Variants in KIAA1549L observed in about 807,000 individuals in gnomAD.
KIAA1549L encodes UPF0606 protein KIAA1549L.
A neutral mutation model predicts 160.7 loss-of-function variants in KIAA1549L; 88 were observed. That is an observed-to-expected ratio of 0.55 (90% CI 0.46 to 0.65). The LOEUF (loss-of-function observed/expected upper bound fraction) is 0.65, where lower values mean the gene tolerates loss of function less well. Ranked by LOEUF, KIAA1549L falls within the 30% of genes least tolerant of loss-of-function variation. KIAA1549L has a pLI of 0.00. For synonymous variants in KIAA1549L, 950 were observed against 976.7 expected (o/e 0.97, Z 0.51); for missense variants, 2,258 against 2,437.5 (o/e 0.93, Z 1.55).
intron 1 of KIAA1549L, among the ~76,000 whole-genome samples, chr11:33,446,502 GA>G (rs1319376190): frequency 3.3e-5 from 5 of 152,088 alleles, no homozygotes; most frequent in Admixed American, 1.3e-4. Flanking sequence ...TTAGTGGCTT[GA>G]AATTGAAATT....
chr11:33,594,798 A>G (rs1460695007), intron 12 of KIAA1549L, among the ~76,000 whole-genome samples: 1 of 152,256 alleles, frequency 6.6e-6, no homozygotes, highest in Admixed American at 6.5e-5. Context: ...ATGAGAGAGC[A>G]TAAGCAGAGC....
rs921021153 is a variant in KIAA1549L, at chr11:33,447,334, T to C, written c.238+70445T>C. 6.6e-4 allele frequency among the ~76,000 whole-genome samples: 101 copies of C among 152,318 alleles called. 1 individual carries two copies. The highest frequency in any genetic ancestry group is 3.4e-3 in the Middle Eastern group (1 of 294). ...GAGTAATGACCTACCTATATGAGAA[T>C]GATGCAATGATGGTTTAGACAGGTT... On this transcript the variant is annotated intron_variant, in intron 1 of 20. Coordinates refer to ENST00000658780, the MANE Select transcript of KIAA1549L (RefSeq NM_012194.3).
In KIAA1549L at chr11:33,467,877, TAAAAAAG is replaced by T. The variant is rs777622417; in HGVS notation, c.239-73921_239-73915del. Among the ~76,000 whole-genome samples, 88 of 152,236 alleles carry T rather than the reference TAAAAAAG, an allele frequency of 5.8e-4. 1 individual carries two copies. The highest frequency in any genetic ancestry group is 3.4e-3 in the Middle Eastern group (1 of 294). On this transcript the variant is annotated intron_variant, in intron 1 of 20. Transcript: ENST00000658780. ...ATAAGAAGGTGAAAAACTCTGCAGTTAAAAAAGAAAGAGAAAAAGAACACCCAAAACA... is the reference window on the plus strand; with the variant it reads ...ATAAGAAGGTGAAAAACTCTGCAGTTAAAGAGAAAAAGAACACCCAAAACA...
intron 1 of KIAA1549L, among the ~76,000 whole-genome samples, chr11:33,523,660 C>T (rs926165844): frequency 1.1e-4 from 17 of 152,114 alleles, no homozygotes; most frequent in Admixed American, 9.8e-4. Flanking sequence ...CTGAGTTTGG[C>T]GTAGGATCTT....
rs1004312438 is a variant in KIAA1549L, at chr11:33,482,309, T to C, written c.239-59493T>C. Among the ~76,000 whole-genome samples the C allele has an allele frequency of 6.6e-5, 9 of 136,584 alleles. No homozygotes were observed. In the South Asian group the frequency reaches 2.2e-3, roughly 33 times the overall value. 89.6% of individuals were successfully genotyped at this position (136,584 alleles called of 152,430 possible). Reference sequence around the variant, plus strand: ...ATTTTTTTCTTCACAATTTTTATACTTTTTTTTTCTTGAATAGTTATCTGC... The same window carrying C: ...ATTTTTTTCTTCACAATTTTTATACCTTTTTTTTCTTGAATAGTTATCTGC... On this transcript the variant is annotated intron_variant, in intron 1 of 20. Coordinates refer to ENST00000658780, the MANE Select transcript of KIAA1549L (RefSeq NM_012194.3).
chr11:33,481,917 G>A (rs1298800554), intron 1 of KIAA1549L, among the ~76,000 whole-genome samples: 1 of 152,214 alleles, frequency 6.6e-6, no homozygotes, highest in East Asian at 1.9e-4. Context: ...CATGTTCCCT[G>A]TAATTCTCAG....
intron 15 of KIAA1549L, among the ~76,000 whole-genome samples, chr11:33,610,873 G>A (rs1328706697): frequency 6.6e-6 from 1 of 152,216 alleles, no homozygotes; most frequent in African/African-American, 2.4e-5. Flanking sequence ...ATCTGGCAGG[G>A]CCTCCTTGCT....
intron 1 of KIAA1549L, among the ~76,000 whole-genome samples, chr11:33,459,113 A>T (rs919564733): frequency 6.6e-6 from 1 of 152,056 alleles, no homozygotes; most frequent in African/African-American, 2.4e-5. Context: ...ATAAATTTGG[A>T]TGTTTGTATG....
chr11:33,573,536 G>A (rs150654416), intron 9 of KIAA1549L, among the ~76,000 whole-genome samples: 328 of 152,262 alleles, frequency 2.2e-3, no homozygotes, highest in African/African-American at 7.4e-3. Flanking sequence ...ATGTCATCAT[G>A]TGAGTATACA....
chr11:33,534,481 T>C (rs1853847944), intron 1 of KIAA1549L, among the ~76,000 whole-genome samples: 1 of 152,062 alleles, frequency 6.6e-6, no homozygotes, highest in Non-Finnish European at 1.5e-5. Flanking sequence ...AAAGTCATGG[T>C]TTTTTGGGGG....
At chr11:33,484,507 G>A (rs1205868054) in intron 1 of KIAA1549L, among the ~76,000 whole-genome samples, 2 of 152,200 alleles carry the variant, frequency 1.3e-5, no homozygotes, top group African/African-American at 4.8e-5. Context: ...AGTGGACTTC[G>A]CCAGTTACTT....
intron 9 of KIAA1549L, among the ~76,000 whole-genome samples, chr11:33,570,106 C>T (rs778329732): frequency 1.9e-4 from 29 of 151,346 alleles, no homozygotes; most frequent in Non-Finnish European, 2.7e-4. Context: ...CGGGTCCAAG[C>T]GATTCTCCTG....
chr11:33,621,101 A>G (rs565250210), intron 16 of KIAA1549L, among the ~76,000 whole-genome samples: 50 of 152,320 alleles, frequency 3.3e-4, no homozygotes, highest in African/African-American at 1.2e-3. Flanking sequence ...GATTGATTTA[A>G]TTTTACGTTT....
chr11:33,568,986 A>G (rs998513565), intron 9 of KIAA1549L, among the ~76,000 whole-genome samples: 6 of 152,212 alleles, frequency 3.9e-5, no homozygotes, highest in African/African-American at 1.4e-4. Context: ...GAGCTTTCCC[A>G]CAGAATTAAG....
chr11:33,512,562 A>G (rs747519817), intron 1 of KIAA1549L, among the ~76,000 whole-genome samples: 4 of 152,110 alleles, frequency 2.6e-5, no homozygotes, highest in African/African-American at 9.7e-5. Flanking sequence ...AGCTGGGACT[A>G]CAGGTACCTG....
In KIAA1549L at chr11:33,486,169, T is replaced by G. The variant is rs182675700; in HGVS notation, c.239-55633T>G. On this transcript the variant is annotated intron_variant, in intron 1 of 20. Coordinates refer to ENST00000658780, the MANE Select transcript of KIAA1549L (RefSeq NM_012194.3). Reference sequence around the variant, plus strand: ...AAACATCACCCTATACATGTTAGGATGACTTTTTTTCAAAACGACGAGAGG... The same window carrying G: ...AAACATCACCCTATACATGTTAGGAGGACTTTTTTTCAAAACGACGAGAGG... Among the ~76,000 whole-genome samples the G allele has an allele frequency of 3.3e-5, 5 of 152,284 alleles. No individual in the cohort carries two copies. The East Asian group carries it at 9.7e-4, about 29-fold the overall frequency.
At chr11:33,577,505 G>A (rs1445652448) in intron 10 of KIAA1549L, among the ~76,000 whole-genome samples, 2 of 152,306 alleles carry the variant, frequency 1.3e-5, no homozygotes, top group Non-Finnish European at 1.5e-5. Context: ...TCTGGTGCAC[G>A]GGTGAAGGGG....
intron 6 of KIAA1549L, among the ~76,000 whole-genome samples, chr11:33,557,371 A>AT (rs1272391492): frequency 6.6e-6 from 1 of 151,120 alleles, no homozygotes; most frequent in African/African-American, 2.4e-5. Context: ...TTTAGTTATT[A>AT]TTTTTTTAGG....
chr11:33,588,219 G>T (rs1479254868), intron 11 of KIAA1549L, among the ~76,000 whole-genome samples: 1 of 152,202 alleles, frequency 6.6e-6, no homozygotes, highest in African/African-American at 2.4e-5. Flanking sequence ...CCGCTTGAGG[G>T]TGAGGAACCA....
Sources: gnomAD v4.1 joint callset for allele counts (sites outside exome capture counted in the v4.1 genomes callset) on GRCh38, gnomAD v4.1.1 for gene constraint, MANE v1.5 for transcripts, NCBI Gene and HGNC (gene_info 2026-07-23, HGNC 2026-07-21) for gene names.